The following FAT2 variants were observed in gnomAD, a reference collection of about 807,000 sequenced individuals.
FAT2 encodes FAT atypical cadherin 2.
Under a neutral mutation model 295.3 loss-of-function variants are expected in FAT2, and 150 were observed. That is an observed-to-expected ratio of 0.51 (90% confidence interval 0.44 to 0.58). FAT2 has a LOEUF of 0.58. FAT2 is among the 20% of genes least tolerant of loss of function. The probability of loss-of-function intolerance (pLI) is 0.00; values close to 1 mark genes in which losing one functional copy is unlikely to be tolerated. For synonymous variants in FAT2, 2,026 were observed against 2,150.3 expected (o/e 0.94, Z 1.60); for missense variants, 4,868 against 5,442.7 (o/e 0.89, Z 3.32).
intron 20 of FAT2, among the ~76,000 whole-genome samples, chr5:151,514,644 C>G (rs1309528392): frequency 6.6e-6 from 1 of 152,240 alleles, no homozygotes; most frequent in Non-Finnish European, 1.5e-5. Context: ...TCCGTTCTTC[C>G]AGATGACTGT....
intron 1 of FAT2, among the ~76,000 whole-genome samples, chr5:151,590,873 C>T (rs1759372246): frequency 6.6e-6 from 1 of 152,238 alleles, no homozygotes; most frequent in Non-Finnish European, 1.5e-5. Context: ...CAACTTTCCA[C>T]GTGTGCAAAT....
Position 151,507,346 on chromosome 5 carries a change from T to C in FAT2, c.12325A>G (p.Ser4109Gly). 1 of 1,614,188 alleles carries C rather than the reference T, an allele frequency of 6.2e-7. No individual in the cohort carries two copies. The highest frequency in any genetic ancestry group is 1.1e-5 in the South Asian group (1 of 91,088). The change falls in exon 23 of 24, where the codon AGC becomes GGC. Residue 4109 changes from serine (S) to glycine (G), a missense_variant. By Grantham distance (56) the Ser-to-Gly change is moderately conservative. Transcript: ENST00000261800. ...GGTTGGTTGAGGTTGTTGCAGGAGC[T>C]GGCACTCAATGGGTTGAGCTCGATG... ...PAIELNPLSA[S>G]SCNNLNQPEP...
Position 151,537,781 on chromosome 5 carries a change from C to T in FAT2, c.9193+12G>A. 1 of 1,605,164 alleles carries T rather than the reference C, an allele frequency of 6.2e-7. No individual in the cohort carries two copies. Among genetic ancestry groups the T allele is most frequent in the South Asian group, 1.1e-5 (1 of 89,946 alleles). ...AAGTTCTTGTTTTGATCCTGCAGCT[C>T]AGGAAACCCACCTGTATGAGGATCC... On this transcript the variant is annotated intron_variant, in intron 12 of 23. Transcript: ENST00000261800.
At chr5:151,532,694 GT>G (rs5872212) in intron 13 of FAT2, among the ~76,000 whole-genome samples, 13,553 of 152,190 alleles carry the variant, frequency 0.089, 880 homozygotes, top group Admixed American at 0.21. Flanking sequence ...CTCCAGCTTT[GT>G]CTCCAATTCT....
At chr5:151,556,000 C>T (rs1316800063) in intron 4 of FAT2, among the ~76,000 whole-genome samples, 4 of 152,158 alleles carry the variant, frequency 2.6e-5, no homozygotes, top group Non-Finnish European at 1.5e-5. Flanking sequence ...TGCTACTGAC[C>T]TAGTGTTTGA....
chr5:151,581,101 G>A (rs1012665171), intron 1 of FAT2, among the ~76,000 whole-genome samples: 6 of 152,228 alleles, frequency 3.9e-5, no homozygotes, highest in African/African-American at 1.4e-4. Context: ...CTCAGGTTCT[G>A]GAGAGGGGCT....
rs2127584721 is a variant in FAT2, at chr5:151,525,954, G to A, written c.10320C>T (p.Pro3440=). 6.2e-7 allele frequency: 1 copy of A among 1,614,078 alleles called. No homozygotes were observed. Among genetic ancestry groups the A allele is most frequent in the South Asian group, 1.1e-5 (1 of 91,054 alleles). ...TCAGCTGCAGGACTTTGCTGCCAAT[G>A]GGGGAGTTCTCCTGAGACCGAGAGT... is the stretch of plus-strand genomic sequence containing the variant. ...NYSTTVQENS[P]IGSKVLQLIL... The change falls in exon 18 of 24, where the codon CCC becomes CCT. Residue 3440 remains proline (P), a synonymous_variant. Coordinates refer to ENST00000261800, the MANE Select transcript of FAT2 (RefSeq NM_001447.3).
At chr5:151,570,473 T>C (rs955105695) in intron 1 of FAT2, among the ~76,000 whole-genome samples, 1 of 152,230 alleles carries the variant, frequency 6.6e-6, no homozygotes, top group Non-Finnish European at 1.5e-5. Context: ...TTAGTTCTTG[T>C]TGAACTGATC....
Position 151,544,816 on chromosome 5 carries a change from GC to G in FAT2, c.6310del (p.Ala2104LeufsTer33). 6.2e-7 allele frequency: 1 copy of G among 1,614,154 alleles called. No homozygotes were observed. The highest frequency in any genetic ancestry group is 8.5e-7 in the Non-Finnish European group (1 of 1,180,034). On this transcript the variant is annotated frameshift_variant, in exon 10 of 24. Transcript: ENST00000261800. LOFTEE classifies it high-confidence loss of function. ...ATDEDLGTNGAVTYEFAEDYT... is the reference protein window; with the variant it reads ...ATDEDLGTNGXVTYEFAEDYT... ...ATCTTCTGCAAATTCATATGTAACA[GC>G]CCCATTTGTCCCCAAGTCCTCATCA...
rs764126428 is a variant in FAT2, at chr5:151,563,601, C to G, written c.3298G>C (p.Ala1100Pro). Residue 1100 changes from alanine to proline, a missense_variant, in exon 3 of 24, where the codon GCA becomes CCA. Coordinates refer to ENST00000261800, the MANE Select transcript of FAT2 (RefSeq NM_001447.3). ...AATACCGTCAACCAGTAGTAAGATG[C>G]AAATTCTCGGTCCAGGGGTGCCAGA... ...QTLAPLDREF[A>P]SYYWLTVLAV... 3 of 1,614,148 alleles carry G rather than the reference C, an allele frequency of 1.9e-6. No homozygotes were observed. The South Asian group carries it at 3.3e-5, about 18-fold the overall frequency.
In FAT2 at chr5:151,534,558, C is replaced by T. The variant is rs557505076; in HGVS notation, c.9278G>A (p.Arg3093Gln). The change falls in exon 13 of 24, where the codon CGA becomes CAA. Residue 3093 changes from arginine to glutamine, a missense_variant. Physicochemically the swap from Arg to Gln is conservative, Grantham distance 43. This residue lies in a region of FAT2 where 1,046 missense variants were observed against 1,210.1 expected (regional missense o/e 0.86). Transcript: ENST00000261800. ...LVAKATDGGG[R>Q]SCQADITLHV... ...GAGGGTGATGTCTGCCTGGCACGAT[C>T]GGCCACCTCCATCCGTCGCCTTGGC... is the stretch of plus-strand genomic sequence containing the variant. 7.4e-6 allele frequency: 12 copies of T among 1,614,102 alleles called. No homozygotes were observed. Among genetic ancestry groups the T allele is most frequent in the South Asian group, 2.2e-5 (2 of 91,052 alleles).
At chr5:151,594,407 G>A (rs1022385416), upstream of FAT2, among the ~76,000 whole-genome samples, 2 of 152,184 alleles carry the variant, frequency 1.3e-5, no homozygotes, top group South Asian at 2.1e-4. Flanking sequence ...GGAAGCCCAG[G>A]CCCCAGACCC....
intron 12 of FAT2, among the ~76,000 whole-genome samples, chr5:151,534,970 A>AATATATATATATATATATAT (rs138459865): frequency 0.015 from 1,612 of 106,000 alleles, 65 homozygotes; most frequent in Middle Eastern, 0.023. Context: ...CTTCTAGGAA[A>AATATATATATATATATATAT]ATATATATAT....
Position 151,556,403 on chromosome 5 carries a change from C to T in FAT2, c.3575-1G>A. 1 of 1,612,708 alleles carries T rather than the reference C, an allele frequency of 6.2e-7. No homozygotes were observed. The highest frequency in any genetic ancestry group is 8.5e-7 in the Non-Finnish European group (1 of 1,179,208). On this transcript the variant is annotated splice_acceptor_variant, in intron 3 of 23. Coordinates refer to ENST00000261800, the MANE Select transcript of FAT2 (RefSeq NM_001447.3). LOFTEE classifies it high-confidence loss of function. The stretch of plus-strand genomic sequence containing the variant: ...AGCTGCTGGGCTGTAGATAGGAGAC[C>T]TGAGAGAGAGATGATAAGGGAGAGA...
chr5:151,525,747 G>A (rs1184452694), intron 18 of FAT2, 21 bp downstream of exon 18: 1 of 1,613,886 alleles, frequency 6.2e-7, no homozygotes, highest in Admixed American at 1.7e-5. Context: ...GTCACCACCA[G>A]AAGCCTAGCA....
chr5:151,554,578 G>C lies in FAT2; in HGVS notation c.3729C>G (p.Ser1243=). The C allele has an allele frequency of 6.2e-7, 1 of 1,614,186 alleles. No homozygotes were observed. The highest frequency in any genetic ancestry group is 8.5e-7 in the Non-Finnish European group (1 of 1,180,030). The change falls in exon 5 of 24, where the codon TCC becomes TCG. Residue 1243 remains serine, a synonymous_variant. Coordinates refer to ENST00000261800, the MANE Select transcript of FAT2 (RefSeq NM_001447.3). ...GAAGGCGGACATTGAAGAGCTTGTG[G>C]GAGAATATAGGTGGATTGTCATTGA... ...LDVNDNPPIF[S]HKLFNVRLPE... is the part of the protein sequence containing the mutation.
In FAT2 at chr5:151,537,982, G is replaced by A. The variant is rs202090434; in HGVS notation, c.9040-36C>T. 4.7e-5 allele frequency: 76 copies of A among 1,602,476 alleles called. No individual in the cohort carries two copies. The Middle Eastern group carries it at 5.0e-4, about 10-fold the overall frequency. On this transcript the variant is annotated intron_variant, in intron 11 of 23. Transcript: ENST00000261800. ...AAAGACAAAGAAGAGGGAGACTGTG[G>A]GGACTGCATTCAGATCCAGAGAGAA... is the stretch of plus-strand genomic sequence containing the variant.
chr5:151,534,410 T>G lies in FAT2; in HGVS notation c.9426A>C (p.Gln3142His). ...GGCCTCAATCCTTCTCAGACTCACC[T>G]TGGTCGGGATCCCGGGCAAATACTA... ...VAVVFARDPD[Q>H]GANAQVVYSL... Residue 3142 changes from glutamine (Q) to histidine (H), a missense_variant and splice_region_variant, in exon 13 of 24, where the codon CAA (glutamine) becomes CAC (histidine). By Grantham distance (24) the Gln-to-His change is conservative (BLOSUM62 0). Around this residue, in one of 5 missense-constraint regions of FAT2, gnomAD observed 1,046 missense variants for 1,210.1 expected, o/e 0.86. Transcript: ENST00000261800. The G allele has an allele frequency of 6.2e-7, 1 of 1,604,966 alleles. No individual in the cohort carries two copies. The highest frequency in any genetic ancestry group is 8.5e-7 in the Non-Finnish European group (1 of 1,173,996).
At chr5:151,584,783 G>A (rs965022724) in intron 1 of FAT2, among the ~76,000 whole-genome samples, 8 of 152,164 alleles carry the variant, frequency 5.3e-5, no homozygotes, top group African/African-American at 1.7e-4. Context: ...TGTGGAGCAC[G>A]GATTGGAACA....
Sources: gnomAD v4.1 joint callset for allele counts (sites outside exome capture counted in the v4.1 genomes callset) on GRCh38, gnomAD v4.1.1 for gene constraint, gnomAD v4.1.1 regional missense constraint, MANE v1.5 for transcripts, NCBI Gene and HGNC (gene_info 2026-07-23, HGNC 2026-07-21) for gene names.